Variants in ESRRG observed in about 807,000 individuals in gnomAD.
The protein encoded by ESRRG is estrogen-related receptor gamma.
In ESRRG, 13 loss-of-function variants were observed where a neutral mutation model predicts 44.0. That is an observed-to-expected ratio of 0.30 (90% confidence interval 0.19 to 0.47). The LOEUF (loss-of-function observed/expected upper bound fraction) is 0.47. ESRRG is among the 20% of genes least tolerant of loss of function. The probability of loss-of-function intolerance (pLI) is 1.00; values close to 1 mark genes in which losing one functional copy is unlikely to be tolerated. For missense variants in ESRRG, 395 were observed against 580.6 expected (o/e 0.68, Z 3.29); for synonymous variants, 215 against 214.6 (o/e 1.00, Z -0.02).
chr1:216,605,452 T>C (rs1020210882), intron 3 of ESRRG, among the ~76,000 whole-genome samples: 5 of 152,158 alleles, frequency 3.3e-5, no homozygotes, highest in Non-Finnish European at 7.3e-5. Flanking sequence ...CTGAGTAAGA[T>C]TTTAGAAAAG....
At chr1:216,821,534 A>C (rs1163531420) in intron 2 of ESRRG, among the ~76,000 whole-genome samples, 15 of 151,244 alleles carry the variant, frequency 9.9e-5, no homozygotes, top group Admixed American at 9.9e-4. Context: ...AAAATGTATA[A>C]ATTAGCCGGG....
intron 2 of ESRRG, among the ~76,000 whole-genome samples, chr1:216,823,890 T>C (rs1480274108): frequency 6.6e-6 from 1 of 152,198 alleles, no homozygotes; most frequent in African/African-American, 2.4e-5. Flanking sequence ...AGCTACTGAC[T>C]GACTGCCTTT....
intron 1 of ESRRG, among the ~76,000 whole-genome samples, chr1:216,705,960 G>A (rs1201910401): frequency 6.6e-6 from 1 of 152,110 alleles, no homozygotes; most frequent in African/African-American, 2.4e-5. Context: ...TGAGCGGTGT[G>A]TAGTTTGGGG....
At chr1:216,514,979 C>CACACAT (rs2043789434) in intron 6 of ESRRG, among the ~76,000 whole-genome samples, 1 of 151,756 alleles carries the variant, frequency 6.6e-6, no homozygotes, top group African/African-American at 2.4e-5. Flanking sequence ...CACACACACA[C>CACACAT]ACACACAACA....
chr1:217,121,506 T>C (rs766121563), intron 1 of ESRRG, among the ~76,000 whole-genome samples: 3 of 152,050 alleles, frequency 2.0e-5, no homozygotes, highest in Non-Finnish European at 4.4e-5. Context: ...CAAGTCTACG[T>C]GAGAGATGAT....
intron 2 of ESRRG, among the ~76,000 whole-genome samples, chr1:216,886,109 C>T: frequency 6.6e-6 from 1 of 152,208 alleles, no homozygotes; most frequent in East Asian, 1.9e-4. Flanking sequence ...TATGAATAAT[C>T]TCTGAGTAGA....
intron 2 of ESRRG, among the ~76,000 whole-genome samples, chr1:216,664,092 C>A (rs1343579640): frequency 1.3e-5 from 2 of 152,104 alleles, no homozygotes; most frequent in Admixed American, 1.3e-4. Flanking sequence ...ATTCTTAATT[C>A]CTCATTTTTA....
At chr1:217,107,179 T>A (rs1380387065) in intron 1 of ESRRG, among the ~76,000 whole-genome samples, 1 of 152,234 alleles carries the variant, frequency 6.6e-6, no homozygotes, top group African/African-American at 2.4e-5. Context: ...AATTTGCCAA[T>A]CTGATATGTT....
chr1:217,002,891 G>A (rs115266061), intron 1 of ESRRG, among the ~76,000 whole-genome samples: 169 of 152,220 alleles, frequency 1.1e-3, no homozygotes, highest in African/African-American at 3.9e-3. Flanking sequence ...GAGTGACCAT[G>A]AGCCAGAATT....
intron 2 of ESRRG, among the ~76,000 whole-genome samples, chr1:216,926,148 C>A (rs2062536977): frequency 6.6e-6 from 1 of 152,184 alleles, no homozygotes; most frequent in African/African-American, 2.4e-5. Flanking sequence ...AAAGGAGCAC[C>A]TCGGGCACTT....
At chr1:217,129,821 G>A (rs930572151) in intron 1 of ESRRG, among the ~76,000 whole-genome samples, 1 of 152,110 alleles carries the variant, frequency 6.6e-6, no homozygotes, top group South Asian at 2.1e-4. Context: ...AGAATGAGGA[G>A]TGACTGTTTA....
At chr1:216,627,341 C>G (rs981988187) in intron 3 of ESRRG, among the ~76,000 whole-genome samples, 2 of 152,142 alleles carry the variant, frequency 1.3e-5, no homozygotes, top group Non-Finnish European at 1.5e-5. Context: ...CCCATGCACC[C>G]CATTCCTGAA....
intron 2 of ESRRG, among the ~76,000 whole-genome samples, chr1:216,835,384 A>C (rs1416785754): frequency 2.0e-5 from 3 of 152,178 alleles, no homozygotes; most frequent in African/African-American, 7.2e-5. Flanking sequence ...GACTGGTTAC[A>C]CTCAGCATTT....
chr1:216,776,508 A>G (rs547794626), intron 2 of ESRRG, among the ~76,000 whole-genome samples: 1 of 152,194 alleles, frequency 6.6e-6, no homozygotes, highest in South Asian at 2.1e-4. Flanking sequence ...ATACTCTCTG[A>G]GGGTTGGAAC....
Position 216,946,334 on chromosome 1 carries a change from G to A in ESRRG, c.-105-6661C>T, listed in dbSNP as rs536462042. On this transcript the variant is annotated intron_variant, in intron 1 of 7. Coordinates refer to the ESRRG transcript ENST00000359162. ...ACAGTGAAGACTCAGAGTAATCATC[G>A]GTTCGAGAGGTGCTATTTATCTTTA... Among the ~76,000 whole-genome samples, 35 of 152,192 alleles carry A rather than the reference G, an allele frequency of 2.3e-4. No homozygotes were observed. In the South Asian group the frequency reaches 5.6e-3, roughly 24 times the overall value.
At chr1:216,672,274 A>G (rs938684612) in intron 2 of ESRRG, among the ~76,000 whole-genome samples, 5 of 152,244 alleles carry the variant, frequency 3.3e-5, no homozygotes, top group Non-Finnish European at 5.9e-5. Flanking sequence ...ACAAAAACAA[A>G]ACAGCAAAAC....
At chr1:216,853,736 T>A (rs2095874779) in intron 2 of ESRRG, among the ~76,000 whole-genome samples, 1 of 152,230 alleles carries the variant, frequency 6.6e-6, no homozygotes, top group African/African-American at 2.4e-5. Context: ...TTCTGCAAAC[T>A]TCAACAGCGA....
intron 1 of ESRRG, among the ~76,000 whole-genome samples, chr1:217,117,783 A>T (rs2092751618): frequency 6.6e-6 from 1 of 152,118 alleles, no homozygotes; most frequent in Non-Finnish European, 1.5e-5. Context: ...TCACTAAATG[A>T]CATCATATCT....
intron 1 of ESRRG, among the ~76,000 whole-genome samples, chr1:216,948,176 CTCTT>C (rs2066367852): frequency 6.6e-6 from 1 of 152,158 alleles, no homozygotes; most frequent in African/African-American, 2.4e-5. Flanking sequence ...ACTAAACACT[CTCTT>C]TCCCCTCTTC....
Sources: allele counts gnomAD v4.1 joint callset (sites outside exome capture counted in the v4.1 genomes callset), GRCh38; gene constraint gnomAD v4.1.1; transcripts MANE v1.5; gene names NCBI Gene and HGNC (gene_info 2026-07-23, HGNC 2026-07-21).